The following MAPK10 variants were observed in gnomAD, a reference collection of about 807,000 sequenced individuals.
MAPK10 encodes JNK3 alpha protein kinase.
MAPK10 carries 25 observed loss-of-function variants against 59.3 expected under a neutral mutation model. That is an observed-to-expected ratio of 0.42 (90% confidence interval 0.31 to 0.59). The LOEUF is 0.59. Among genes scored for constraint, MAPK10 ranks in the 20% least tolerant of loss-of-function variants. MAPK10 has a pLI of 0.15. For missense variants in MAPK10, 351 were observed against 568.9 expected (o/e 0.62, Z 3.90); for synonymous variants, 190 against 200.5 (o/e 0.95, Z 0.44).
chr4:86,415,844 C>T (rs1246360721), intron 1 of MAPK10, among the ~76,000 whole-genome samples: 1 of 152,138 alleles, frequency 6.6e-6, no homozygotes, highest in Non-Finnish European at 1.5e-5. Flanking sequence ...AATGGAACTC[C>T]AGAGCGAACT....
chr4:86,243,869 C>T (rs2092913621), intron 2 of MAPK10, among the ~76,000 whole-genome samples: 1 of 152,030 alleles, frequency 6.6e-6, no homozygotes, highest in African/African-American at 2.4e-5. Flanking sequence ...CGAGCTCCTC[C>T]CCAACCACTA....
At chr4:86,154,710 A>C (rs1182599397) in intron 4 of MAPK10, among the ~76,000 whole-genome samples, 1 of 152,146 alleles carries the variant, frequency 6.6e-6, no homozygotes, top group Admixed American at 6.6e-5. Flanking sequence ...AGATTCTGAA[A>C]GACTGAAAGT....
chr4:86,514,397 T>C (rs1756503922), intron 1 of MAPK10, among the ~76,000 whole-genome samples: 3 of 152,204 alleles, frequency 2.0e-5, no homozygotes, highest in Admixed American at 6.5e-5. Context: ...TCATTTTTCC[T>C]TTAAAAATCT....
At chr4:86,371,468 C>T (rs183226221) in intron 1 of MAPK10, among the ~76,000 whole-genome samples, 1 of 152,252 alleles carries the variant, frequency 6.6e-6, no homozygotes, top group East Asian at 1.9e-4. Context: ...GAGTTTAAGT[C>T]ATTTATTCAG....
At chr4:86,261,240 G>A (rs1055010642) in intron 2 of MAPK10, among the ~76,000 whole-genome samples, 4 of 152,244 alleles carry the variant, frequency 2.6e-5, no homozygotes, top group Admixed American at 6.5e-5. Context: ...AATTCATCAC[G>A]TAATTGTTGA....
chr4:86,449,264 A>G (rs1201728342), intron 1 of MAPK10, among the ~76,000 whole-genome samples: 1 of 152,178 alleles, frequency 6.6e-6, no homozygotes, highest in African/African-American at 2.4e-5. Flanking sequence ...TCTTGCTCCC[A>G]TAATCCATCA....
chr4:86,164,378 AC>A (rs1209144114), intron 3 of MAPK10: 5 of 152,200 alleles, frequency 3.3e-5, no homozygotes, highest in Admixed American at 2.0e-4. Context: ...TGCCTTGAGC[AC>A]AAAACTTAGT....
chr4:86,307,931 T>C (rs1285459762), intron 2 of MAPK10, among the ~76,000 whole-genome samples: 2 of 152,078 alleles, frequency 1.3e-5, no homozygotes, highest in African/African-American at 2.4e-5. Context: ...CAAGAAGCAA[T>C]GAATGGGTCC....
intron 1 of MAPK10, among the ~76,000 whole-genome samples, chr4:86,534,178 C>A (rs1366327863): frequency 6.6e-6 from 1 of 152,110 alleles, no homozygotes; most frequent in Non-Finnish European, 1.5e-5. Context: ...TTTGCAGTAT[C>A]TTTGACTATG....
intron 4 of MAPK10, among the ~76,000 whole-genome samples, chr4:86,139,668 A>C (rs975725201): frequency 7.9e-5 from 12 of 152,164 alleles, no homozygotes; most frequent in Non-Finnish European, 1.6e-4. Context: ...GCAACAAAAG[A>C]CAAAATTGAC....
intron 9 of MAPK10, among the ~76,000 whole-genome samples, chr4:86,070,239 AC>A (rs2047557736): frequency 6.6e-6 from 1 of 152,118 alleles, no homozygotes; most frequent in African/African-American, 2.4e-5. Flanking sequence ...CTTCCCAAAA[AC>A]ATATGTGTGT....
intron 1 of MAPK10, among the ~76,000 whole-genome samples, chr4:86,417,642 TAAAC>T (rs1294356208): frequency 6.6e-6 from 1 of 152,140 alleles, no homozygotes; most frequent in East Asian, 1.9e-4. Context: ...TGAGATTACT[TAAAC>T]AAATCTAGAG....
chr4:86,398,975 T>C (rs1417304880), intron 1 of MAPK10, among the ~76,000 whole-genome samples: 1 of 152,208 alleles, frequency 6.6e-6, no homozygotes, highest in Non-Finnish European at 1.5e-5. Flanking sequence ...CCATGGTGCA[T>C]AGGTACCACA....
At chr4:86,173,657 G>A (rs2074951670) in intron 3 of MAPK10, among the ~76,000 whole-genome samples, 1 of 151,932 alleles carries the variant, frequency 6.6e-6, no homozygotes, top group Admixed American at 6.6e-5. Flanking sequence ...AAGAGCTGGT[G>A]CACAGCAAAA....
Position 86,577,940 on chromosome 4 carries a change from AT to A in MAPK10, c.-263+15969del, listed in dbSNP as rs139370650. Among the ~76,000 whole-genome samples, 399 of 152,252 alleles carry A rather than the reference AT, an allele frequency of 2.6e-3. 4 individuals are homozygous for A. Among genetic ancestry groups the A allele is most frequent in the African/African-American group, 9.3e-3 (388 of 41,552 alleles). On this transcript the variant is annotated intron_variant, in intron 1 of 4. Transcript: ENST00000502302. ...CACAAATACTATCCATGTAATCCTG[AT>A]ACTAGGATTAAGGTTAGTATTAATT...
intron 1 of MAPK10, among the ~76,000 whole-genome samples, chr4:86,446,666 G>A (rs963007678): frequency 6.6e-6 from 1 of 152,032 alleles, no homozygotes; most frequent in African/African-American, 2.4e-5. Context: ...AAGTGGTTGC[G>A]CCAACTTGCA....
At chr4:86,467,621 G>A (rs1752318476) in intron 1 of MAPK10, among the ~76,000 whole-genome samples, 1 of 152,164 alleles carries the variant, frequency 6.6e-6, no homozygotes, top group African/African-American at 2.4e-5. Flanking sequence ...CCGGGTTCAA[G>A]CGATTCTCCT....
At chr4:86,481,537 C>T (rs888983630) in intron 1 of MAPK10, among the ~76,000 whole-genome samples, 2 of 152,002 alleles carry the variant, frequency 1.3e-5, no homozygotes, top group Admixed American at 6.6e-5. Flanking sequence ...TTAGTCTCCA[C>T]TAAAAATATT....
chr4:86,074,760 T>C (rs915004104), intron 9 of MAPK10, among the ~76,000 whole-genome samples: 5 of 134,008 alleles, frequency 3.7e-5, no homozygotes, highest in African/African-American at 1.5e-4. Context: ...TGCCGAGAGA[T>C]CCGCTGTTAG....
Sources: gnomAD v4.1 joint callset for allele counts (sites outside exome capture counted in the v4.1 genomes callset) on GRCh38, gnomAD v4.1.1 for gene constraint, MANE v1.5 for transcripts, NCBI Gene and HGNC (gene_info 2026-07-23, HGNC 2026-07-21) for gene names.